The following PJA2 variants were observed in gnomAD, a reference collection of about 807,000 sequenced individuals.
The protein encoded by PJA2 is E3 ubiquitin-protein ligase Praja-2.
In PJA2, 25 loss-of-function variants were observed where a neutral mutation model predicts 69.3. The observed-to-expected ratio is 0.36, with a 90% CI of 0.26 to 0.50. The LOEUF (loss-of-function observed/expected upper bound fraction) is 0.50. PJA2 is among the 20% of genes least tolerant of loss of function. The pLI, the probability that PJA2 is intolerant of heterozygous loss-of-function variation, is 0.96. For synonymous variants in PJA2, 308 were observed against 277.8 expected, an observed-to-expected ratio of 1.11 and a Z score of -1.08; for missense variants, 809 against 830.2, an observed-to-expected ratio of 0.97 and a Z score of 0.31.
rs191641052 is a variant in PJA2 at position 109,379,201 on chromosome 5, C to G, written c.286G>C (p.Glu96Gln). 6 of 1,613,718 alleles carry G rather than the reference C, an allele frequency of 3.7e-6. No individual in the cohort carries two copies. In the Admixed American group the frequency reaches 1.0e-4, roughly 27 times the overall value. The change falls in exon 4 of 10, where the codon GAA (glutamate) becomes CAA (glutamine). Residue 96 changes from glutamate (E) to glutamine (Q), a missense_variant. This residue lies in a region of PJA2 where 700 missense variants were observed against 639.5 expected (regional missense o/e 1.09). Coordinates refer to ENST00000361189, the MANE Select transcript of PJA2 (RefSeq NM_014819.5). The part of the protein sequence containing the change: ...DSSLPSEPIF[E>Q]KSETEIPTCG... ...GTGGGAATTTCTGTTTCACTTTTTT[C>G]AAATATAGGTTCACTGGGTAAAGAA...
At chr5:109,394,239 G>A (rs1561363618) in intron 1 of PJA2, among the ~76,000 whole-genome samples, 1 of 151,644 alleles carries the variant, frequency 6.6e-6, no homozygotes. Flanking sequence ...GTAGAGATGG[G>A]GTTTCACCAT....
chr5:109,370,359 G>A (rs1038275828), intron 4 of PJA2, among the ~76,000 whole-genome samples: 8 of 152,106 alleles, frequency 5.3e-5, no homozygotes, highest in South Asian at 2.1e-4. Context: ...ATGTCAATAC[G>A]CAGTTAGTGA....
intron 1 of PJA2, among the ~76,000 whole-genome samples, chr5:109,385,111 G>C (rs1747128209): frequency 6.6e-6 from 1 of 152,184 alleles, no homozygotes; most frequent in South Asian, 2.1e-4. Flanking sequence ...CACAGTGCCT[G>C]GCTGAAATGT....
chr5:109,397,461 A>G (rs1241551658), intron 1 of PJA2, among the ~76,000 whole-genome samples: 3 of 152,048 alleles, frequency 2.0e-5, no homozygotes, highest in Admixed American at 2.0e-4. Flanking sequence ...AACAAGGGAA[A>G]TGAATGAAAC....
rs1407800625 is a variant in PJA2, at chr5:109,396,511, C to T, written c.-87-12991G>A. On this transcript the variant is annotated intron_variant, in intron 1 of 9. Transcript: ENST00000361189. ...GCGTGATCTCGGCTCACTGCAACCT[C>T]TGCCTTCCAGGTTCAAGCAATTCTC... 2.1e-5 allele frequency among the ~76,000 whole-genome samples: 3 copies of T among 145,112 alleles called. No individual in the cohort carries two copies. The Admixed American group carries it at 2.1e-4, about 10-fold the overall frequency.
Position 109,354,078 on chromosome 5 carries a change from G to GGTT in PJA2, c.1764+1836_1764+1837insAAC, listed in dbSNP as rs1561345696. ...TCTATGATATCTAGAGATATCTATAGATTAGATATCTATATCTAGAGATAT... is the reference window on the plus strand; with the variant it reads ...TCTATGATATCTAGAGATATCTATAGGTTATTAGATATCTATATCTAGAGATAT... On this transcript the variant is annotated intron_variant, in intron 7 of 9. Coordinates refer to ENST00000361189, the MANE Select transcript of PJA2 (RefSeq NM_014819.5). Among the ~76,000 whole-genome samples the GGTT allele has an allele frequency of 2.7e-3, 333 of 123,130 alleles. 55 individuals carry two copies. Among genetic ancestry groups the GGTT allele is most frequent in the African/African-American group, 0.01 (299 of 28,570 alleles). The allele number at this position is 123,130 out of a possible 152,430, so 80.8% of individuals were successfully genotyped here.
chr5:109,378,446 T>G lies in PJA2; in HGVS notation c.1041A>C (p.Arg347Ser). The G allele has an allele frequency of 6.2e-7, 1 of 1,614,178 alleles. No homozygotes were observed. The highest frequency in any genetic ancestry group is 1.3e-5 in the African/African-American group (1 of 75,060). The change falls in exon 4 of 10, where the codon AGA becomes AGC. Residue 347 changes from arginine (R) to serine (S), a missense_variant. By Grantham distance (110) the Arg-to-Ser change is moderately radical (BLOSUM62 -1). Coordinates refer to ENST00000361189, the MANE Select transcript of PJA2 (RefSeq NM_014819.5). ...EAKQRSVQRW[R>S]EALEVEESGS... ...CACTTTCCTCAACTTCCAAAGCCTC[T>G]CTCCATCTTTGAACACTTCTTTGTT... is the stretch of plus-strand genomic sequence containing the variant.
intron 9 of PJA2, among the ~76,000 whole-genome samples, chr5:109,339,421 T>C (rs1762002716): frequency 6.6e-6 from 1 of 152,166 alleles, no homozygotes; most frequent in African/African-American, 2.4e-5. Context: ...AAGTTGCACA[T>C]GTACCCCACA....
chr5:109,373,500 T>G (rs1348497931), intron 4 of PJA2, among the ~76,000 whole-genome samples: 1 of 152,062 alleles, frequency 6.6e-6, no homozygotes, highest in East Asian at 1.9e-4. Context: ...GAAACGAAGC[T>G]AACCATTAGG....
chr5:109,368,451 G>A (rs1762621464), intron 5 of PJA2, 110 bp downstream of exon 5: 2 of 917,256 alleles, frequency 2.2e-6, no homozygotes, highest in South Asian at 2.2e-5. Context: ...GGGGCCTACT[G>A]GTTCTACATA....
In PJA2 at chr5:109,359,692, G is replaced by C. The variant is rs144317645; in HGVS notation, c.1652+3148C>G. Among the ~76,000 whole-genome samples the C allele has an allele frequency of 2.6e-3, 392 of 152,250 alleles. 1 individual carries two copies. Among genetic ancestry groups the C allele is most frequent in the Admixed American group, 6.0e-3 (92 of 15,292 alleles). ...CTGAGGAAACGTCCACATTAAAAGA[G>C]ACTAAAGAAACTTGTTAACTAAATA... On this transcript the variant is annotated intron_variant, in intron 6 of 9. Transcript: ENST00000361189.
At chr5:109,350,255 T>C (rs547326253) in intron 7 of PJA2, among the ~76,000 whole-genome samples, 6 of 152,058 alleles carry the variant, frequency 3.9e-5, no homozygotes, top group African/African-American at 1.2e-4. Flanking sequence ...AAAGATAGCC[T>C]TTTAAGCCAC....
chr5:109,349,865 T>C (rs1011205329), intron 7 of PJA2, among the ~76,000 whole-genome samples: 1 of 152,196 alleles, frequency 6.6e-6, no homozygotes, highest in African/African-American at 2.4e-5. Context: ...TATTGAACTT[T>C]CCCATTGCAA....
chr5:109,405,915 T>C (rs924886284), intron 1 of PJA2, among the ~76,000 whole-genome samples: 3 of 143,332 alleles, frequency 2.1e-5, no homozygotes, highest in African/African-American at 8.5e-5. Context: ...CTTTTAAAGT[T>C]AGGAAAATAA....
At chr5:109,383,255 C>A in intron 2 of PJA2, 148 bp downstream of exon 2, 1 of 573,174 alleles carries the variant, frequency 1.7e-6, no homozygotes, top group Non-Finnish European at 2.9e-6. Flanking sequence ...AAATTAGAAA[C>A]TAAGCTTTAC....
rs1176836229 is a variant in PJA2 at position 109,335,462 on chromosome 5, A to AG, written c.*1768dup. 1 of 152,468 alleles carries AG rather than the reference A, an allele frequency of 6.6e-6. No homozygotes were observed. The highest frequency in any genetic ancestry group is 1.5e-5 in the Non-Finnish European group (1 of 68,018). The allele number at this position is 152,468 out of a possible 1,614,324, so 9.4% of individuals were successfully genotyped here. Reference sequence around the variant, plus strand: ...ACAGCTGCTATCTAGAAGAAAACCAAGGTCCCTTAATATAGTCTAAATATA... The same window carrying AG: ...ACAGCTGCTATCTAGAAGAAAACCAAGGGTCCCTTAATATAGTCTAAATATA... On this transcript the variant is annotated 3_prime_UTR_variant, in exon 10 of 10. Transcript: ENST00000361189.
Position 109,354,858 on chromosome 5 carries a change from T to C in PJA2, c.1764+1057A>G, listed in dbSNP as rs549178734. ...GGCTGGGCATGGTGACTCATGTCTA[T>C]AATCCCAGTGCCATGGGAGGCCAGA... On this transcript the variant is annotated intron_variant, in intron 7 of 9. Transcript: ENST00000361189. 3.3e-5 allele frequency among the ~76,000 whole-genome samples: 5 copies of C among 151,906 alleles called. No individual in the cohort carries two copies. In the South Asian group the frequency reaches 1.0e-3, roughly 32 times the overall value.
At chr5:109,366,532 A>G (rs1373520724) in intron 5 of PJA2, among the ~76,000 whole-genome samples, 2 of 152,222 alleles carry the variant, frequency 1.3e-5, no homozygotes, top group African/African-American at 4.8e-5. Context: ...ATCCCTGACC[A>G]CTTTAATATC....
intron 6 of PJA2, among the ~76,000 whole-genome samples, chr5:109,361,610 G>A (rs778678193): frequency 2.0e-5 from 3 of 152,274 alleles, no homozygotes; most frequent in East Asian, 1.9e-4. Flanking sequence ...AAGGTAATGG[G>A]GAGACACAGA....
Sources: allele counts gnomAD v4.1 joint callset (sites outside exome capture counted in the v4.1 genomes callset), GRCh38; gene constraint gnomAD v4.1.1; regional missense constraint gnomAD v4.1.1; transcripts MANE v1.5; gene names NCBI Gene and HGNC (gene_info 2026-07-23, HGNC 2026-07-21).